MAPK10: variants seen among roughly 807,000 people sequenced by gnomAD.
The protein encoded by MAPK10 is JNK3 alpha protein kinase.
A neutral mutation model predicts 59.3 loss-of-function variants in MAPK10; 25 were observed. That is an observed-to-expected ratio of 0.42 (90% CI 0.31 to 0.59). The LOEUF (loss-of-function observed/expected upper bound fraction) is 0.59. MAPK10 is among the 20% of genes least tolerant of loss of function. MAPK10 has a pLI of 0.15. For missense variants in MAPK10, 351 were observed against 568.9 expected (o/e 0.62, Z 3.90); for synonymous variants, 190 against 200.5 (o/e 0.95, Z 0.44).
chr4:86,250,449 T>C (rs892769462), intron 2 of MAPK10, among the ~76,000 whole-genome samples: 4 of 152,156 alleles, frequency 2.6e-5, no homozygotes, highest in Non-Finnish European at 5.9e-5. Flanking sequence ...CTCATAAAAA[T>C]AACTCTTATT....
At chr4:86,412,038 C>T (rs888480166) in intron 1 of MAPK10, among the ~76,000 whole-genome samples, 12 of 152,116 alleles carry the variant, frequency 7.9e-5, no homozygotes, top group South Asian at 2.1e-4. Flanking sequence ...TGGCTAGTAC[C>T]GGTTGTCCCT....
Position 86,163,508 on chromosome 4 carries a change from C to T in MAPK10, c.67-4041G>A, listed in dbSNP as rs560894119. ...TGTTTCCTGAGTTCAAGTCATAGAA[C>T]AAGACAGCAGATTATTTAAACCTAC... On this transcript the variant is annotated intron_variant, in intron 3 of 13. Transcript: ENST00000641462. 5.9e-5 allele frequency among the ~76,000 whole-genome samples: 9 copies of T among 152,042 alleles called. No homozygotes were observed. In the South Asian group the frequency reaches 1.2e-3, roughly 21 times the overall value.
At chr4:86,451,910 G>C (rs1345985750) in intron 1 of MAPK10, among the ~76,000 whole-genome samples, 1 of 152,186 alleles carries the variant, frequency 6.6e-6, no homozygotes, top group Non-Finnish European at 1.5e-5. Flanking sequence ...TCTGGGGCCT[G>C]TGTGCACAAA....
At chr4:86,051,147 T>G (rs148560105) in intron 11 of MAPK10, among the ~76,000 whole-genome samples, 109 of 152,284 alleles carry the variant, frequency 7.2e-4, no homozygotes, top group African/African-American at 2.6e-3. Flanking sequence ...GAGTCTCATA[T>G]GAAACCTGCA....
chr4:86,314,797 G>A (rs902781502), intron 2 of MAPK10, among the ~76,000 whole-genome samples: 5 of 151,986 alleles, frequency 3.3e-5, no homozygotes, highest in Non-Finnish European at 5.9e-5. Flanking sequence ...ACCATCTAGA[G>A]TGATAAGGGA....
chr4:86,139,580 C>G (rs1431560564), intron 4 of MAPK10, among the ~76,000 whole-genome samples: 1 of 152,084 alleles, frequency 6.6e-6, no homozygotes, highest in Non-Finnish European at 1.5e-5. Context: ...CATAAAAACC[C>G]TAGAAGAAAA....
At chr4:86,107,111 G>C in intron 5 of MAPK10, 112 bp downstream of exon 5, 1 of 772,528 alleles carries the variant, frequency 1.3e-6, no homozygotes, top group South Asian at 1.9e-5. Context: ...ACAATCTTAA[G>C]AGGCAGGAAT....
At chr4:86,275,697 T>G (rs1173816269) in intron 2 of MAPK10, among the ~76,000 whole-genome samples, 1 of 152,060 alleles carries the variant, frequency 6.6e-6, no homozygotes, top group Non-Finnish European at 1.5e-5. Context: ...AAAATATGTA[T>G]GAAAATAGAA....
At chr4:86,466,978 C>T (rs1253759584) in intron 1 of MAPK10, among the ~76,000 whole-genome samples, 4 of 152,234 alleles carry the variant, frequency 2.6e-5, no homozygotes, top group African/African-American at 9.6e-5. Flanking sequence ...ATATGTGCTG[C>T]ATCTTCAGCT....
At chr4:86,256,698 T>C (rs1052501791) in intron 2 of MAPK10, among the ~76,000 whole-genome samples, 3 of 151,584 alleles carry the variant, frequency 2.0e-5, no homozygotes, top group Non-Finnish European at 4.4e-5. Flanking sequence ...ATCTGAACTT[T>C]ATGTATTATA....
At chr4:86,328,625 G>C (rs538996126) in intron 2 of MAPK10, among the ~76,000 whole-genome samples, 17 of 152,234 alleles carry the variant, frequency 1.1e-4, no homozygotes, top group African/African-American at 3.9e-4. Flanking sequence ...TGATAGACTG[G>C]ACAAAGAAAA....
intron 1 of MAPK10, among the ~76,000 whole-genome samples, chr4:86,498,742 G>A (rs370253994): frequency 1.4e-4 from 22 of 152,276 alleles, no homozygotes; most frequent in African/African-American, 4.8e-4. Flanking sequence ...CTGCCTAAGC[G>A]TATTTAAGCT....
chr4:86,178,304 T>C (rs2076147720), intron 3 of MAPK10, among the ~76,000 whole-genome samples: 1 of 152,094 alleles, frequency 6.6e-6, no homozygotes, highest in African/African-American at 2.4e-5. Flanking sequence ...ACAGTAAGTA[T>C]TCAATAGGTA....
intron 2 of MAPK10, among the ~76,000 whole-genome samples, chr4:86,346,522 G>A (rs185658824): frequency 6.6e-6 from 1 of 152,260 alleles, no homozygotes; most frequent in Non-Finnish European, 1.5e-5. Context: ...ATCTGCGGAT[G>A]TGAAACTGCA....
intron 2 of MAPK10, among the ~76,000 whole-genome samples, chr4:86,211,171 A>C (rs1021389460): frequency 3.9e-5 from 6 of 152,048 alleles, no homozygotes; most frequent in African/African-American, 1.4e-4. Flanking sequence ...AGATTATATA[A>C]AGAAATAATT....
intron 4 of MAPK10, chr4:86,107,713 T>C (rs1415628746): frequency 3.1e-6 from 3 of 972,544 alleles, no homozygotes; most frequent in Admixed American, 6.1e-5. Flanking sequence ...CCACTAGCCA[T>C]GTGACTATGG....
intron 1 of MAPK10, among the ~76,000 whole-genome samples, chr4:86,483,540 C>T (rs561419589): frequency 2.6e-5 from 4 of 151,754 alleles, no homozygotes; most frequent in Middle Eastern, 3.4e-3. Context: ...GCAAACATCA[C>T]GCTATAATTA....
intron 4 of MAPK10, among the ~76,000 whole-genome samples, chr4:86,108,250 T>C (rs73837405): frequency 0.015 from 2,236 of 152,214 alleles, 54 homozygotes; most frequent in African/African-American, 0.051. Flanking sequence ...ATTTCTCTCA[T>C]ATGCAGAGTA....
At chr4:86,494,558 C>T (rs1754717337) in intron 1 of MAPK10, among the ~76,000 whole-genome samples, 1 of 152,038 alleles carries the variant, frequency 6.6e-6, no homozygotes, top group African/African-American at 2.4e-5. Context: ...TTCAAAAATG[C>T]TTCACGGCTG....
Sources: allele counts gnomAD v4.1 joint callset (sites outside exome capture counted in the v4.1 genomes callset), GRCh38; gene constraint gnomAD v4.1.1; transcripts MANE v1.5; gene names NCBI Gene and HGNC (gene_info 2026-07-23, HGNC 2026-07-21).